The following RAB3GAP1 variants were observed in gnomAD, a reference collection of about 807,000 sequenced individuals.
RAB3GAP1 encodes rab3 GTPase-activating protein catalytic subunit.
RAB3GAP1 carries 86 observed loss-of-function variants against 130.7 expected under a neutral mutation model. The ratio of observed to expected loss-of-function variants is 0.66; its 90% CI spans 0.55 to 0.79. RAB3GAP1 has a LOEUF of 0.79. Ranked by LOEUF, RAB3GAP1 falls within the 30% of genes least tolerant of loss-of-function variation. The probability of loss-of-function intolerance (pLI) is 0.00; values close to 1 mark genes in which losing one functional copy is unlikely to be tolerated. For synonymous variants in RAB3GAP1, 367 were observed against 401.7 expected (o/e 0.91, Z 1.03); for missense variants, 1,029 against 1,169.4 (o/e 0.88, Z 1.75).
At chr2:135,147,442 T>TAATA (rs1033908928) in intron 17 of RAB3GAP1, among the ~76,000 whole-genome samples, 4 of 152,268 alleles carry the variant, frequency 2.6e-5, no homozygotes, top group South Asian at 2.1e-4. Flanking sequence ...CTTATCTGTT[T>TAATA]AATAAATAAA....
intron 3 of RAB3GAP1, among the ~76,000 whole-genome samples, chr2:135,081,787 T>G (rs1689828942): frequency 6.6e-6 from 1 of 152,182 alleles, no homozygotes; most frequent in Non-Finnish European, 1.5e-5. Flanking sequence ...TGGGTTCTTT[T>G]AAGACAGAGT....
In RAB3GAP1 at chr2:135,105,288, C is replaced by G. The variant is rs898568699; in HGVS notation, c.363-7863C>G. On this transcript the variant is annotated intron_variant, in intron 5 of 23. Transcript: ENST00000264158. ...GGTCTCCCTCTGATGCCAAGCCGAACCTGGACTGTACTGCCGCCATCTCGG... is the reference window on the plus strand; with the variant it reads ...GGTCTCCCTCTGATGCCAAGCCGAAGCTGGACTGTACTGCCGCCATCTCGG... Among the ~76,000 whole-genome samples the G allele has an allele frequency of 6.2e-5, 9 of 146,196 alleles. No individual in the cohort carries two copies. In the East Asian group the frequency reaches 1.9e-3, roughly 32 times the overall value.
At chr2:135,126,495 A>T in intron 10 of RAB3GAP1, 88 bp from the exon 11 acceptor site, 1 of 1,258,560 alleles carries the variant, frequency 7.9e-7, no homozygotes. Context: ...TTGTCCTTCT[A>T]TGTTTTCATT....
rs62170249 is a variant in RAB3GAP1 at position 135,130,198 on chromosome 2, C to T, written c.1066+111C>T. 0.035 allele frequency: 33,551 copies of T among 945,786 alleles called. 801 individuals are homozygous for T. Among genetic ancestry groups the T allele is most frequent in the African/African-American group, 0.054 (3,310 of 60,812 alleles). 58.6% of individuals were successfully genotyped at this position (945,786 alleles called of 1,614,324 possible). ...CTCATTTTGAATTAAGTTGGATAATCAAGTTTTGATGGACTAGACAGCTAC... is the reference window on the plus strand; with the variant it reads ...CTCATTTTGAATTAAGTTGGATAATTAAGTTTTGATGGACTAGACAGCTAC... On this transcript the variant is annotated intron_variant, in intron 12 of 23. Transcript: ENST00000264158.
intron 5 of RAB3GAP1, among the ~76,000 whole-genome samples, chr2:135,097,395 A>T (rs1690331314): frequency 6.6e-6 from 1 of 151,506 alleles, no homozygotes; most frequent in Admixed American, 6.6e-5. Flanking sequence ...TGGGTTTTTT[A>T]TTTTTTGTTG....
At chr2:135,081,360 ATACACACACGTGTGTGTG>A in intron 3 of RAB3GAP1, among the ~76,000 whole-genome samples, 2 of 84,204 alleles carry the variant, frequency 2.4e-5, no homozygotes, top group African/African-American at 6.7e-5. Flanking sequence ...ATATATATAT[ATACACACACGTGTGTGTG>A]TGTATATATA....
intron 3 of RAB3GAP1, among the ~76,000 whole-genome samples, chr2:135,086,019 G>A (rs1689964189): frequency 1.3e-5 from 2 of 152,102 alleles, no homozygotes; most frequent in African/African-American, 4.8e-5. Flanking sequence ...CATACAGTAT[G>A]CACTCTTCGT....
intron 18 of RAB3GAP1, among the ~76,000 whole-genome samples, chr2:135,151,274 T>C (rs997567896): frequency 3.9e-5 from 6 of 152,228 alleles, no homozygotes; most frequent in Admixed American, 3.9e-4. Context: ...GCTGATACTC[T>C]GAACTATCCC....
chr2:135,109,587 T>A (rs78588868), intron 5 of RAB3GAP1, among the ~76,000 whole-genome samples: 7,335 of 151,778 alleles, frequency 0.048, 224 homozygotes, highest in African/African-American at 0.076. Context: ...TTTTTTTTTT[T>A]AATTTTTTAT....
At chr2:135,109,712 G>C (rs1305574606) in intron 5 of RAB3GAP1, among the ~76,000 whole-genome samples, 1 of 151,846 alleles carries the variant, frequency 6.6e-6, no homozygotes, top group Non-Finnish European at 1.5e-5. Flanking sequence ...CTCCTGAGTA[G>C]CTGGGACTAC....
chr2:135,088,025 T>C (rs1049298989), intron 3 of RAB3GAP1, among the ~76,000 whole-genome samples: 3 of 152,316 alleles, frequency 2.0e-5, no homozygotes, highest in Non-Finnish European at 4.4e-5. Context: ...GTTTATCAGT[T>C]GAGTCTGTTT....
chr2:135,162,784 T>TAAAAAGCAGATAATAA lies in RAB3GAP1; in HGVS notation c.2426_2427insAAGCAGATAATAAAAA (p.Gln810SerfsTer3), dbSNP rs749021889. On this transcript the variant is annotated stop_gained and frameshift_variant, in exon 21 of 24. Transcript: ENST00000264158. LOFTEE classifies it high-confidence loss of function. ...AACATTTCTTCAGTTAAGAAGATCATAAAGCAGATAATATCCCATTCCAGT... is the reference window on the plus strand; with the variant it reads ...AACATTTCTTCAGTTAAGAAGATCATAAAAAGCAGATAATAAAAAGCAGATAATATCCCATTCCAGT... The TAAAAAGCAGATAATAA allele has an allele frequency of 6.2e-7, 1 of 1,613,812 alleles. No individual in the cohort carries two copies. The highest frequency in any genetic ancestry group is 1.1e-5 in the South Asian group (1 of 91,082).
intron 17 of RAB3GAP1, among the ~76,000 whole-genome samples, chr2:135,146,320 T>C (rs1184677997): frequency 6.6e-6 from 1 of 151,750 alleles, no homozygotes. Flanking sequence ...CAAGTGATTC[T>C]TGTGCCTCAG....
intron 10 of RAB3GAP1, 71 bp from the exon 11 acceptor site, chr2:135,126,512 C>A (rs758956844): frequency 7.3e-7 from 1 of 1,369,200 alleles, no homozygotes; most frequent in Non-Finnish European, 1.0e-6. Context: ...CATTAGACTG[C>A]ATTTTAATAA....
intron 5 of RAB3GAP1, among the ~76,000 whole-genome samples, chr2:135,098,949 A>G (rs765658705): frequency 6.6e-6 from 1 of 152,120 alleles, no homozygotes; most frequent in Non-Finnish European, 1.5e-5. Flanking sequence ...GATTTTCTAT[A>G]TATACAATCA....
At chr2:135,153,581 T>G in intron 18 of RAB3GAP1, 68 bp from the exon 19 acceptor site, 1 of 1,441,770 alleles carries the variant, frequency 6.9e-7, no homozygotes, top group Non-Finnish European at 9.8e-7. Flanking sequence ...AATACAATTT[T>G]GCAAACAGGC....
rs750759980 is a variant in RAB3GAP1 at position 135,120,844 on chromosome 2, C to T, written c.674C>T (p.Pro225Leu). The change falls in exon 8 of 24, where the codon CCA (proline) becomes CTA (leucine). Residue 225 changes from proline to leucine, a missense_variant. Pro to Leu is a moderately conservative substitution (Grantham distance 98). Around this residue, in one of 3 missense-constraint regions of RAB3GAP1, gnomAD observed 510 missense variants for 532.1 expected, o/e 0.96. Transcript: ENST00000264158. Reference protein sequence around the residue: ...KIGCPLTPLPPVSIAIRFTYV... With the variant: ...KIGCPLTPLPLVSIAIRFTYV... ...GGATGTCCTTTAACTCCATTGCCTC[C>T]AGTTAGTATTGCTATTCGATTTACC... 2.5e-6 allele frequency: 4 copies of T among 1,612,656 alleles called. No individual in the cohort carries two copies. The highest frequency in any genetic ancestry group is 2.2e-5 in the South Asian group (2 of 91,040).
At chr2:135,123,877 T>C (rs1422154871) in intron 8 of RAB3GAP1, among the ~76,000 whole-genome samples, 6 of 152,206 alleles carry the variant, frequency 3.9e-5, no homozygotes, top group Non-Finnish European at 8.8e-5. Flanking sequence ...AGAAATAATA[T>C]TCTCTTGAGT....
At chr2:135,092,324 T>C (rs1447844155) in intron 4 of RAB3GAP1, among the ~76,000 whole-genome samples, 2 of 152,188 alleles carry the variant, frequency 1.3e-5, no homozygotes, top group Non-Finnish European at 2.9e-5. Flanking sequence ...GTGCTGTTAA[T>C]TTAAGGGAAG....
Sources: allele counts gnomAD v4.1 joint callset (sites outside exome capture counted in the v4.1 genomes callset), GRCh38; gene constraint gnomAD v4.1.1; regional missense constraint gnomAD v4.1.1; transcripts MANE v1.5; gene names NCBI Gene and HGNC (gene_info 2026-07-23, HGNC 2026-07-21).